ZNF782: variants seen among roughly 807,000 people sequenced by gnomAD.
The protein encoded by ZNF782 is zinc finger protein 782.
A neutral mutation model predicts 13.0 loss-of-function variants in ZNF782; 12 were observed. The observed-to-expected ratio is 0.92, with a 90% CI of 0.59 to 1.50. The LOEUF (loss-of-function observed/expected upper bound fraction) is 1.50. Among genes scored for constraint, ZNF782 ranks in the 40% most tolerant of loss-of-function variants. ZNF782 has a pLI of 0.00. For synonymous variants in ZNF782, 284 were observed against 283.0 expected (o/e 1.00, Z -0.04); for missense variants, 770 against 822.9 (o/e 0.94, Z 0.79).
At chr9:96,824,104 A>G (rs1215536908) in intron 5 of ZNF782, among the ~76,000 whole-genome samples, 1 of 151,714 alleles carries the variant, frequency 6.6e-6, no homozygotes, top group Non-Finnish European at 1.5e-5. Flanking sequence ...ACAACCAAAA[A>G]AGAGAATTTT....
At chr9:96,917,889 T>TGCGTGC in the ZNF782 span, among the ~76,000 whole-genome samples, 804 of 123,996 alleles carry the variant, frequency 6.5e-3, 24 homozygotes, top group East Asian at 0.097. Context: ...ACCCTTGGCG[T>TGCGTGC]GTGTGTGTGT....
At chr9:96,851,803 T>C (rs1851494698) in intron 3 of ZNF782, 144 bp downstream of exon 3, 1 of 828,688 alleles carries the variant, frequency 1.2e-6, no homozygotes, top group Non-Finnish European at 1.9e-6. Flanking sequence ...CTGACAAAGC[T>C]GACAGCAGAG....
At chr9:96,836,743 G>T (rs1851015512) in intron 4 of ZNF782, among the ~76,000 whole-genome samples, 1 of 152,146 alleles carries the variant, frequency 6.6e-6, no homozygotes, top group Non-Finnish European at 1.5e-5. Context: ...CTTAGTGGGA[G>T]ATGTTTGGGT....
At chr9:96,910,218 C>T in the ZNF782 span, 6 of 744,002 alleles carry the variant, frequency 8.1e-6, no homozygotes, top group South Asian at 4.0e-5. Context: ...GAGCAGGAGG[C>T]TGACAAGGAG....
At chr9:96,833,406 T>G (rs1167251620) in intron 4 of ZNF782, among the ~76,000 whole-genome samples, 2 of 152,192 alleles carry the variant, frequency 1.3e-5, no homozygotes, top group African/African-American at 4.8e-5. Flanking sequence ...AAACTATAAG[T>G]GTTTTGTGGT....
Position 96,872,530 on chromosome 9 carries a change from C to CAA in ZNF782, c.-457+2936_-457+2937dup, listed in dbSNP as rs34362915. ...TGGGCGACAGAGTGAGACTCTGTCT[C>CAA]AAAAAAAAAAAAAATTGTGACTAGT... On this transcript the variant is annotated intron_variant, in intron 1 of 5. Coordinates refer to the ZNF782 transcript ENST00000498811. Among the ~76,000 whole-genome samples, 926 of 138,634 alleles carry CAA rather than the reference C, an allele frequency of 6.7e-3. 5 individuals are homozygous for CAA. The highest frequency in any genetic ancestry group is 0.014 in the Middle Eastern group (4 of 280). The allele number at this position is 138,634 out of a possible 152,430, so 90.9% of individuals were successfully genotyped here.
At chr9:96,866,712 G>A (rs1250611091) in intron 1 of ZNF782, among the ~76,000 whole-genome samples, 1 of 152,228 alleles carries the variant, frequency 6.6e-6, no homozygotes, top group African/African-American at 2.4e-5. Flanking sequence ...AGCCCATGAA[G>A]GCAGCTAGGA....
chr9:96,933,075 T>G, the ZNF782 span, among the ~76,000 whole-genome samples: 4 of 151,246 alleles, frequency 2.6e-5, no homozygotes, highest in Non-Finnish European at 5.9e-5. Context: ...CCTCCCAGGT[T>G]CACGTCATTC....
At chr9:96,911,611 C>T in the ZNF782 span, among the ~76,000 whole-genome samples, 1 of 149,194 alleles carries the variant, frequency 6.7e-6, no homozygotes, top group Non-Finnish European at 1.5e-5. Context: ...AGCTCTGCCT[C>T]CCGGGTTCAA....
chr9:96,820,542 CTT>C (rs375716425), intron 5 of ZNF782, among the ~76,000 whole-genome samples: 5,684 of 137,734 alleles, frequency 0.041, 324 homozygotes, highest in African/African-American at 0.14. Flanking sequence ...AATAGTGAAT[CTT>C]TTTTTTTTTT....
At chr9:96,853,340 C>G (rs1410039853) in intron 1 of ZNF782, among the ~76,000 whole-genome samples, 1 of 152,202 alleles carries the variant, frequency 6.6e-6, no homozygotes, top group African/African-American at 2.4e-5. Context: ...CATCTAGGAT[C>G]TGCTCCTCTG....
intron 4 of ZNF782, among the ~76,000 whole-genome samples, chr9:96,836,121 G>A (rs1181959511): frequency 2.0e-5 from 3 of 152,198 alleles, no homozygotes; most frequent in African/African-American, 7.2e-5. Flanking sequence ...GGAGTCAAAG[G>A]AGACTATTCT....
chr9:96,891,393 A>C, the ZNF782 span: 9 of 152,044 alleles, frequency 5.9e-5, no homozygotes, highest in African/African-American at 2.2e-4. Flanking sequence ...ACAACATTTT[A>C]ATGTAACATT....
chr9:96,923,278 C>T, the ZNF782 span, among the ~76,000 whole-genome samples: 3 of 150,596 alleles, frequency 2.0e-5, no homozygotes, highest in East Asian at 6.9e-4. Flanking sequence ...CTCATATCCC[C>T]AAATACACAT....
At chr9:96,846,483 G>A (rs77993375) in intron 3 of ZNF782, among the ~76,000 whole-genome samples, 70 of 152,044 alleles carry the variant, frequency 4.6e-4, no homozygotes, top group African/African-American at 1.7e-3. Context: ...TAAACTCAAG[G>A]TAAAGGGAAG....
At chr9:96,933,672 T>A in the ZNF782 span, 1 of 152,346 alleles carries the variant, frequency 6.6e-6, no homozygotes, top group Non-Finnish European at 1.5e-5. Flanking sequence ...GCACCCACCC[T>A]GGGTTTAGGT....
At chr9:96,837,434 G>T (rs1163042062) in intron 4 of ZNF782, among the ~76,000 whole-genome samples, 1 of 151,768 alleles carries the variant, frequency 6.6e-6, no homozygotes, top group Non-Finnish European at 1.5e-5. Context: ...CTTTTTTTCT[G>T]AACTGATCTA....
chr9:96,828,256 C>T (rs545183452), intron 4 of ZNF782, among the ~76,000 whole-genome samples: 7 of 152,258 alleles, frequency 4.6e-5, no homozygotes, highest in East Asian at 3.9e-4. Flanking sequence ...ATAACCAGAA[C>T]GGTACTGCTT....
rs1227644315 is a variant in ZNF782, at chr9:96,816,832, G to A, written c.*1091C>T. 6.6e-6 allele frequency: 1 copy of A among 152,120 alleles called. No homozygotes were observed. The highest frequency in any genetic ancestry group is 2.1e-4 in the South Asian group (1 of 4,826). The allele number at this position is 152,120 out of a possible 1,614,324, so 9.4% of individuals were successfully genotyped here. On this transcript the variant is annotated 3_prime_UTR_variant, in exon 6 of 6. Transcript: ENST00000481138. ...ACCTGTCTGATGAGGAAGACTTTGG[G>A]GATAAAAGCCATGGTCATTCAGGAT...
Sources: allele counts gnomAD v4.1 joint callset (sites outside exome capture counted in the v4.1 genomes callset), GRCh38; gene constraint gnomAD v4.1.1; transcripts MANE v1.5; gene names NCBI Gene and HGNC (gene_info 2026-07-23, HGNC 2026-07-21).